WWC1: variants seen among roughly 807,000 people sequenced by gnomAD.
WWC1 encodes protein KIBRA.
WWC1 carries 55 observed loss-of-function variants against 138.4 expected under a neutral mutation model. That is an observed-to-expected ratio of 0.40 (90% confidence interval 0.32 to 0.50). WWC1 has a LOEUF of 0.50. Among genes scored for constraint, WWC1 ranks in the 20% least tolerant of loss-of-function variants. The pLI is 0.72. For synonymous variants in WWC1, 524 were observed against 564.9 expected, an observed-to-expected ratio of 0.93 and a Z score of 1.03; for missense variants, 1,226 against 1,420.4, an observed-to-expected ratio of 0.86 and a Z score of 2.20.
intron 1 of WWC1, among the ~76,000 whole-genome samples, chr5:168,367,366 C>G (rs1426705186): frequency 1.3e-5 from 2 of 151,966 alleles, no homozygotes; most frequent in Admixed American, 1.3e-4. Flanking sequence ...GAGTCTTGCT[C>G]TGTCCCCCAG....
At chr5:168,383,893 CT>C (rs1011880351) in intron 2 of WWC1, among the ~76,000 whole-genome samples, 19 of 151,914 alleles carry the variant, frequency 1.3e-4, no homozygotes, top group Middle Eastern at 3.4e-3. Flanking sequence ...TCGTCAGCTG[CT>C]TTTTTTTCAG....
chr5:168,338,346 T>C (rs1773682170), intron 1 of WWC1, among the ~76,000 whole-genome samples: 1 of 150,552 alleles, frequency 6.6e-6, no homozygotes, highest in Middle Eastern at 3.5e-3. Context: ...TAAGTAAATA[T>C]AAATGCAATG....
At chr5:168,299,061 G>A (rs1769821528) in intron 1 of WWC1, among the ~76,000 whole-genome samples, 3 of 152,156 alleles carry the variant, frequency 2.0e-5, no homozygotes, top group African/African-American at 7.2e-5. Flanking sequence ...CTCTAGCCTG[G>A]GCAACAAGGG....
At chr5:168,373,719 TAA>T (rs368930085) in intron 2 of WWC1, among the ~76,000 whole-genome samples, 1,593 of 52,270 alleles carry the variant, frequency 0.03, 6 homozygotes, top group Non-Finnish European at 0.035. Context: ...CCTTGTCTCT[TAA>T]AAAAAAAAAA....
At chr5:168,319,966 T>C (rs1278609930) in intron 1 of WWC1, among the ~76,000 whole-genome samples, 2 of 152,042 alleles carry the variant, frequency 1.3e-5, no homozygotes, top group Non-Finnish European at 2.9e-5. Flanking sequence ...GGGTATGAAG[T>C]GGTATTTCAT....
intron 1 of WWC1, among the ~76,000 whole-genome samples, chr5:168,318,770 G>C (rs1771819567): frequency 6.6e-6 from 1 of 152,004 alleles, no homozygotes; most frequent in Non-Finnish European, 1.5e-5. Flanking sequence ...ATGTTGGCCA[G>C]GCTGGTCTCA....
chr5:168,433,087 C>G (rs1782075785), intron 15 of WWC1, among the ~76,000 whole-genome samples: 1 of 152,260 alleles, frequency 6.6e-6, no homozygotes, highest in African/African-American at 2.4e-5. Flanking sequence ...GCCCTTCCAG[C>G]TGTGTCTCCT....
At chr5:168,447,272 A>G (rs1755363424) in intron 17 of WWC1, among the ~76,000 whole-genome samples, 1 of 152,228 alleles carries the variant, frequency 6.6e-6, no homozygotes, top group East Asian at 1.9e-4. Context: ...CAAATTATAT[A>G]TTTAGTCTCA....
At position 168,292,790 on chromosome 5, in the gene WWC1, T is replaced by C. The variant is rs1262680126; in HGVS notation, c.119+519T>C. On this transcript the variant is annotated intron_variant, in intron 1 of 22. Transcript: ENST00000265293. The surrounding 1 kb of genome is among the most constrained non-coding windows in gnomAD (Gnocchi z 4.4). ...CGGCGCAGAGGAAGGCAACCTGAGGTGTGCTTTTTGACAGGTGCCTTGGAA... is the reference window on the plus strand; with the variant it reads ...CGGCGCAGAGGAAGGCAACCTGAGGCGTGCTTTTTGACAGGTGCCTTGGAA... Among the ~76,000 whole-genome samples the C allele has an allele frequency of 6.6e-6, 1 of 151,928 alleles. No individual in the cohort carries two copies. Among genetic ancestry groups the C allele is most frequent in the Non-Finnish European group, 1.5e-5 (1 of 67,982 alleles).
At chr5:168,307,302 G>A (rs1322077400) in intron 1 of WWC1, among the ~76,000 whole-genome samples, 1 of 152,194 alleles carries the variant, frequency 6.6e-6, no homozygotes, top group Non-Finnish European at 1.5e-5. Flanking sequence ...TTACCATCAC[G>A]TAGGTCAGGC....
intron 19 of WWC1, among the ~76,000 whole-genome samples, chr5:168,457,489 T>C (rs10063731): frequency 0.1 from 15,655 of 152,164 alleles, 1,364 homozygotes; most frequent in African/African-American, 0.23. Flanking sequence ...CTGATAGCAT[T>C]CCACTTCCTG....
At chr5:168,409,113 G>T (rs1376735269) in intron 7 of WWC1, among the ~76,000 whole-genome samples, 1 of 152,204 alleles carries the variant, frequency 6.6e-6, no homozygotes, top group Non-Finnish European at 1.5e-5. Context: ...GCTCAGTCCA[G>T]TCCTAGTTAT....
chr5:168,414,757 GT>G (rs1307690797), intron 9 of WWC1, 167 bp downstream of exon 9: 23 of 1,082,314 alleles, frequency 2.1e-5, no homozygotes, highest in Admixed American at 9.9e-5. Context: ...AGGAAAGATG[GT>G]TTGCCATCCA....
chr5:168,401,801 A>G (rs895758649), intron 5 of WWC1, among the ~76,000 whole-genome samples: 4 of 152,220 alleles, frequency 2.6e-5, no homozygotes, highest in Admixed American at 6.5e-5. Context: ...GCCTGGAACC[A>G]TGCTTTATGC....
At chr5:168,323,715 T>C (rs903113666) in intron 1 of WWC1, among the ~76,000 whole-genome samples, 1 of 152,178 alleles carries the variant, frequency 6.6e-6, no homozygotes, top group Admixed American at 6.5e-5. Context: ...AAAATGTATT[T>C]GAAGACATAA....
intron 1 of WWC1, among the ~76,000 whole-genome samples, chr5:168,331,979 C>G (rs115811946): frequency 0.077 from 11,655 of 151,974 alleles, 668 homozygotes; most frequent in South Asian, 0.11. Flanking sequence ...AACCCCATCT[C>G]TACTAAACAT....
At chr5:168,347,854 C>T (rs746178951) in intron 1 of WWC1, among the ~76,000 whole-genome samples, 5 of 152,124 alleles carry the variant, frequency 3.3e-5, no homozygotes, top group Admixed American at 1.3e-4. Context: ...CAGTCCTGAT[C>T]GCTGCCCTTG....
At chr5:168,395,925 C>T (rs1386001661) in intron 3 of WWC1, among the ~76,000 whole-genome samples, 1 of 152,228 alleles carries the variant, frequency 6.6e-6, no homozygotes, top group Admixed American at 6.5e-5. Context: ...ACCAAAAGGC[C>T]TATTAAAATA....
intron 1 of WWC1, among the ~76,000 whole-genome samples, chr5:168,300,581 G>GA (rs111744543): frequency 0.057 from 7,789 of 137,018 alleles, 577 homozygotes; most frequent in African/African-American, 0.17. Flanking sequence ...TGGTCAGCCA[G>GA]AAAAAAAAAA....
Sources: gnomAD v4.1 joint callset for allele counts (sites outside exome capture counted in the v4.1 genomes callset) on GRCh38, gnomAD v4.1.1 for gene constraint, Gnocchi (gnomAD v3.1) non-coding constraint, MANE v1.5 for transcripts, NCBI Gene and HGNC (gene_info 2026-07-23, HGNC 2026-07-21) for gene names.